The following AKAP19 variants were observed in gnomAD, a reference collection of about 807,000 sequenced individuals.
The protein encoded by AKAP19 is small A-kinase anchoring protein.
the AKAP19 span, among the ~76,000 whole-genome samples, chr2:189,893,222 G>A: frequency 6.6e-6 from 1 of 152,164 alleles, no homozygotes. Context: ...TTCCGGAGGA[G>A]TGAACAGTTC....
chr2:190,079,653 A>C, the AKAP19 span: 2 of 152,220 alleles, frequency 1.3e-5, no homozygotes, highest in Admixed American at 6.5e-5. Flanking sequence ...TCTACTAAAA[A>C]TACAAAAATT....
the AKAP19 span, chr2:189,930,727 A>T: frequency 1.6e-6 from 1 of 635,022 alleles, no homozygotes; most frequent in Non-Finnish European, 2.9e-6. Flanking sequence ...AAAGTCCATC[A>T]TACAGATCAC....
At chr2:189,970,012 A>G in the AKAP19 span, among the ~76,000 whole-genome samples, 1 of 151,438 alleles carries the variant, frequency 6.6e-6, no homozygotes, top group Non-Finnish European at 1.5e-5. Flanking sequence ...AGCTAGGACT[A>G]CAGGTGTGCA....
At chr2:190,096,036 C>A in the AKAP19 span, among the ~76,000 whole-genome samples, 1 of 152,254 alleles carries the variant, frequency 6.6e-6, no homozygotes, top group African/African-American at 2.4e-5. Flanking sequence ...AGAAGCTGGG[C>A]TTTTCTTCAT....
chr2:190,118,412 A>C, the AKAP19 span, among the ~76,000 whole-genome samples: 17 of 152,164 alleles, frequency 1.1e-4, no homozygotes, highest in Non-Finnish European at 2.2e-4. Flanking sequence ...GAGACACAAC[A>C]AAAAAAGAGA....
At chr2:190,099,921 TC>T in the AKAP19 span, among the ~76,000 whole-genome samples, 1 of 152,178 alleles carries the variant, frequency 6.6e-6, no homozygotes, top group South Asian at 2.1e-4. Flanking sequence ...AGAAAGAAAG[TC>T]CCCCTAGTAT....
the AKAP19 span, among the ~76,000 whole-genome samples, chr2:189,991,295 T>C: frequency 6.6e-6 from 1 of 152,366 alleles, no homozygotes; most frequent in South Asian, 2.1e-4. Flanking sequence ...GTAGTTGTGC[T>C]AGTTTACATT....
the AKAP19 span, among the ~76,000 whole-genome samples, chr2:190,088,938 C>T: frequency 1.6e-4 from 24 of 152,300 alleles, no homozygotes; most frequent in African/African-American, 4.3e-4. Flanking sequence ...GTCCTCTAAG[C>T]GTTCTCCCAG....
chr2:190,109,555 G>T, the AKAP19 span, among the ~76,000 whole-genome samples: 1 of 151,780 alleles, frequency 6.6e-6, no homozygotes, highest in East Asian at 1.9e-4. Flanking sequence ...TTGGGAGGGG[G>T]ACTCTTGCCG....
the AKAP19 span, among the ~76,000 whole-genome samples, chr2:189,929,061 C>A: frequency 6.6e-6 from 1 of 152,074 alleles, no homozygotes; most frequent in African/African-American, 2.4e-5. Flanking sequence ...TGGAGAAATT[C>A]CTTCTTTTTT....
chr2:189,973,245 TG>T, the AKAP19 span, among the ~76,000 whole-genome samples: 3 of 152,184 alleles, frequency 2.0e-5, no homozygotes, highest in Non-Finnish European at 4.4e-5. Context: ...GATAATCATG[TG>T]TTTTTTTGTC....
At chr2:189,930,912 A>T in the AKAP19 span, 1 of 720,172 alleles carries the variant, frequency 1.4e-6, no homozygotes, top group South Asian at 1.6e-5. Context: ...GCGGCTCCTG[A>T]TACGGCTTAG....
chr2:189,892,893 T>C, the AKAP19 span, among the ~76,000 whole-genome samples: 1 of 152,202 alleles, frequency 6.6e-6, no homozygotes, highest in Non-Finnish European at 1.5e-5. Context: ...TCTAAGCCCC[T>C]GACAGAGGCT....
At chr2:190,141,319 T>C in the AKAP19 span, among the ~76,000 whole-genome samples, 139 of 152,270 alleles carry the variant, frequency 9.1e-4, 1 homozygote, top group African/African-American at 3.3e-3. Context: ...TTTTTAGGTA[T>C]CCTTATAGCA....
At chr2:190,159,330 G>A in the AKAP19 span, among the ~76,000 whole-genome samples, 5 of 152,186 alleles carry the variant, frequency 3.3e-5, no homozygotes, top group African/African-American at 1.2e-4. Flanking sequence ...CTGGGTTGAT[G>A]AGTACTGTTG....
the AKAP19 span, among the ~76,000 whole-genome samples, chr2:189,949,055 A>G: frequency 6.6e-6 from 1 of 152,188 alleles, no homozygotes; most frequent in Non-Finnish European, 1.5e-5. Context: ...CAGTATTCAC[A>G]ATGAGGATTG....
chr2:190,099,607 A>G, the AKAP19 span, among the ~76,000 whole-genome samples: 1 of 152,228 alleles, frequency 6.6e-6, no homozygotes, highest in Non-Finnish European at 1.5e-5. Context: ...CCAAGTGAGC[A>G]TGTTGTTGAA....
the AKAP19 span, among the ~76,000 whole-genome samples, chr2:190,032,037 T>C: frequency 6.6e-6 from 1 of 152,228 alleles, no homozygotes; most frequent in Non-Finnish European, 1.5e-5. Context: ...CCTACTCTTA[T>C]GGATGATTAT....
chr2:190,107,498 T>C, the AKAP19 span, among the ~76,000 whole-genome samples: 5 of 152,202 alleles, frequency 3.3e-5, no homozygotes, highest in Non-Finnish European at 7.3e-5. Context: ...GTTAAATGAT[T>C]TTCATTTTAG....
Sources: allele counts gnomAD v4.1 joint callset (sites outside exome capture counted in the v4.1 genomes callset), GRCh38; gene constraint gnomAD v4.1.1; transcripts MANE v1.5; gene names NCBI Gene and HGNC (gene_info 2026-07-23, HGNC 2026-07-21).